EYS: variants seen among roughly 807,000 people sequenced by gnomAD.
The protein encoded by EYS is EGF-like photoreceptor maintenance factor.
EYS carries 250 observed loss-of-function variants against 282.1 expected under a neutral mutation model. That is an observed-to-expected ratio of 0.89 (90% CI 0.80 to 0.98). The LOEUF (loss-of-function observed/expected upper bound fraction) is 0.98. Among genes scored for constraint, EYS ranks in the 50% least tolerant of loss-of-function variants. The pLI is 0.00. For missense variants in EYS, 4,016 were observed against 3,709.0 expected (o/e 1.08, Z -2.15); for synonymous variants, 1,355 against 1,282.9 (o/e 1.06, Z -1.20).
chr6:64,483,626 CT>C (rs888749314), intron 26 of EYS, among the ~76,000 whole-genome samples: 11 of 151,572 alleles, frequency 7.3e-5, no homozygotes, highest in Admixed American at 1.3e-4. Context: ...GAGGCAGGCT[CT>C]GTTTCTGAAT....
chr6:65,356,112 G>T (rs976433686), intron 8 of EYS, among the ~76,000 whole-genome samples: 1 of 151,962 alleles, frequency 6.6e-6, no homozygotes, highest in Admixed American at 6.6e-5. Context: ...AAAGAAAATT[G>T]TTTATACACA....
At chr6:64,246,623 T>TAA (rs1017656277) in intron 30 of EYS, among the ~76,000 whole-genome samples, 20 of 152,352 alleles carry the variant, frequency 1.3e-4, no homozygotes, top group African/African-American at 4.3e-4. Context: ...TTCTAGGATT[T>TAA]AAAACCTTAA....
chr6:63,941,759 A>G (rs1765249971), intron 35 of EYS, among the ~76,000 whole-genome samples: 1 of 152,056 alleles, frequency 6.6e-6, no homozygotes, highest in Admixed American at 6.6e-5. Flanking sequence ...CCCCTTACCT[A>G]TACAGCTGCT....
rs1418194309 is a variant in EYS, at chr6:64,856,289, A to G, written c.2992+30408T>C. Among the ~76,000 whole-genome samples, 5 of 152,036 alleles carry G rather than the reference A, an allele frequency of 3.3e-5. No homozygotes were observed. The East Asian group carries it at 9.7e-4, about 29-fold the overall frequency. ...CCAGCATTTGGTATCATTTGGTATC[A>G]AAAAAATATCATTGGTATTTTTTTT... is the stretch of plus-strand genomic sequence containing the variant. On this transcript the variant is annotated intron_variant, in intron 19 of 42. Transcript: ENST00000503581.
At chr6:65,365,712 G>T (rs1363969114) in intron 8 of EYS, among the ~76,000 whole-genome samples, 1 of 151,524 alleles carries the variant, frequency 6.6e-6, no homozygotes, top group Non-Finnish European at 1.5e-5. Flanking sequence ...GATTACAAAA[G>T]AATTAGAGAG....
chr6:65,008,586 G>T (rs538020810), intron 13 of EYS, among the ~76,000 whole-genome samples: 1 of 152,146 alleles, frequency 6.6e-6, no homozygotes, highest in Non-Finnish European at 1.5e-5. Context: ...AGTCTACAAA[G>T]ACACTTTAAA....
chr6:65,680,258 C>T (rs1768771409), intron 1 of EYS, among the ~76,000 whole-genome samples: 1 of 151,812 alleles, frequency 6.6e-6, no homozygotes, highest in Non-Finnish European at 1.5e-5. Flanking sequence ...AATTTCAGAT[C>T]TAGAAAATTA....
chr6:65,367,628 A>G (rs1012446181), intron 8 of EYS, among the ~76,000 whole-genome samples: 9 of 151,648 alleles, frequency 5.9e-5, no homozygotes, highest in Non-Finnish European at 8.8e-5. Flanking sequence ...AGTTCCGCTG[A>G]AAAAAAGCGA....
At chr6:65,182,172 G>A (rs551148199) in intron 12 of EYS, among the ~76,000 whole-genome samples, 1 of 151,322 alleles carries the variant, frequency 6.6e-6, no homozygotes, top group South Asian at 2.1e-4. Flanking sequence ...CTAACCTGTA[G>A]GTTGTGCACA....
rs1029199989 is a variant in EYS, at chr6:63,997,593, G to A, written c.6834+1482C>T. On this transcript the variant is annotated intron_variant, in intron 34 of 42. Transcript: ENST00000503581. ...CTCTTTACCACCCTAAAATTATCCA[G>A]ATTATTTTCCATTGAAATAATAAAT... Among the ~76,000 whole-genome samples, 4 of 152,120 alleles carry A rather than the reference G, an allele frequency of 2.6e-5. 1 individual carries two copies. In the South Asian group the frequency reaches 6.2e-4, roughly 24 times the overall value.
chr6:64,135,020 G>A (rs781342293), intron 31 of EYS, among the ~76,000 whole-genome samples: 4 of 152,092 alleles, frequency 2.6e-5, no homozygotes, highest in African/African-American at 7.2e-5. Flanking sequence ...GACAATATGC[G>A]TATCCAGGAG....
intron 12 of EYS, among the ~76,000 whole-genome samples, chr6:65,135,146 G>T (rs1385771798): frequency 6.6e-6 from 1 of 151,836 alleles, no homozygotes; most frequent in Non-Finnish European, 1.5e-5. Flanking sequence ...GATTCCTAGG[G>T]AAATAATAGA....
intron 12 of EYS, among the ~76,000 whole-genome samples, chr6:65,116,943 T>A (rs1775392961): frequency 6.6e-6 from 1 of 152,160 alleles, no homozygotes; most frequent in Admixed American, 6.5e-5. Context: ...TGTGGGCATT[T>A]CAAGCCCTTA....
chr6:63,790,393 T>C (rs1313368699), intron 37 of EYS, among the ~76,000 whole-genome samples: 1 of 152,232 alleles, frequency 6.6e-6, no homozygotes, highest in Non-Finnish European at 1.5e-5. Context: ...ACGCTGCCTC[T>C]GCTTTTCTAA....
intron 22 of EYS, among the ~76,000 whole-genome samples, chr6:64,791,755 T>C (rs779819621): frequency 6.6e-6 from 1 of 151,866 alleles, no homozygotes; most frequent in Non-Finnish European, 1.5e-5. Context: ...TTTCTTAAGC[T>C]TGAGACACAT....
At chr6:64,126,821 A>C (rs77394710) in intron 31 of EYS, among the ~76,000 whole-genome samples, 2 of 151,636 alleles carry the variant, frequency 1.3e-5, no homozygotes, top group African/African-American at 4.8e-5. Flanking sequence ...ATATATACAC[A>C]TATATTTAAA....
chr6:64,251,827 TGAAGA>T (rs1049461175), intron 30 of EYS, among the ~76,000 whole-genome samples: 3 of 152,014 alleles, frequency 2.0e-5, no homozygotes. Flanking sequence ...ACAAAGTAAG[TGAAGA>T]GAAGTTCTAA....
intron 35 of EYS, 140 bp downstream of exon 35, chr6:63,984,243 C>A (rs1422498666): frequency 2.2e-5 from 14 of 643,946 alleles, no homozygotes; most frequent in South Asian, 1.4e-4. Flanking sequence ...ATGTGTGCAT[C>A]ATTTAGGTGA....
At chr6:65,064,728 T>C (rs962682555) in intron 12 of EYS, among the ~76,000 whole-genome samples, 1 of 151,938 alleles carries the variant, frequency 6.6e-6, no homozygotes, top group African/African-American at 2.4e-5. Context: ...ACAGACCCAA[T>C]AGGTCTAAGT....
Sources: allele counts gnomAD v4.1 joint callset (sites outside exome capture counted in the v4.1 genomes callset), GRCh38; gene constraint gnomAD v4.1.1; transcripts MANE v1.5; gene names NCBI Gene and HGNC (gene_info 2026-07-23, HGNC 2026-07-21).